The following PTCD1 variants were observed in gnomAD, a reference collection of about 807,000 sequenced individuals.
PTCD1 encodes pentatricopeptide repeat domain 1.
In PTCD1, 50 loss-of-function variants were observed where a neutral mutation model predicts 53.4. The ratio of observed to expected loss-of-function variants is 0.94; its 90% CI spans 0.75 to 1.19. The LOEUF (loss-of-function observed/expected upper bound fraction) is 1.19. Among genes scored for constraint, PTCD1 ranks in the 50% most tolerant of loss-of-function variants. The pLI, the probability that PTCD1 is intolerant of heterozygous loss-of-function variation, is 0.00. For synonymous variants in PTCD1, 413 were observed against 394.8 expected, an observed-to-expected ratio of 1.05 and a Z score of -0.55; for missense variants, 918 against 904.8, an observed-to-expected ratio of 1.01 and a Z score of -0.19.
chr7:99,424,668 T>C, intron 6 of PTCD1, 127 bp downstream of exon 6: 1 of 1,291,076 alleles, frequency 7.7e-7, no homozygotes. Context: ...TTGACCCCAC[T>C]CTCTTTGCCC....
At position 99,435,344 on chromosome 7, in the gene PTCD1, A is replaced by G. The variant is rs149192428; in HGVS notation, c.-26-76T>C. 1,465 of 1,561,938 alleles carry G rather than the reference A, an allele frequency of 9.4e-4. 22 individuals carry two copies. The East Asian group carries it at 0.026, about 28-fold the overall frequency. On this transcript the variant is annotated intron_variant, in intron 1 of 7. Transcript: ENST00000292478. Reference sequence around the variant, plus strand: ...AAGGCAGAAAGAAAGAAGTGGTTACAAGTATGGGCCCAGGCCAGGCGCGGT... The same window carrying G: ...AAGGCAGAAAGAAAGAAGTGGTTACGAGTATGGGCCCAGGCCAGGCGCGGT...
At chr7:99,426,111 C>G (rs1008580170) in intron 5 of PTCD1, among the ~76,000 whole-genome samples, 1 of 150,644 alleles carries the variant, frequency 6.6e-6, no homozygotes, top group Non-Finnish European at 1.5e-5. Flanking sequence ...CTCCCTCTCC[C>G]TCTCCCTCTC....
chr7:99,428,102 A>T (rs1266775742), intron 5 of PTCD1, among the ~76,000 whole-genome samples: 11 of 140,852 alleles, frequency 7.8e-5, no homozygotes, highest in East Asian at 2.1e-4. Context: ...AATGATCAAT[A>T]AAAAAAAAAA....
chr7:99,424,714 C>G, intron 6 of PTCD1, 81 bp downstream of exon 6: 1 of 1,555,444 alleles, frequency 6.4e-7, no homozygotes, highest in Admixed American at 1.9e-5. Context: ...GGGGGGTCTG[C>G]AGACCCCTCA....
intron 1 of PTCD1, among the ~76,000 whole-genome samples, chr7:99,436,696 G>T (rs561717651): frequency 3.4e-4 from 52 of 152,326 alleles, no homozygotes; most frequent in African/African-American, 1.2e-3. Flanking sequence ...AGTGCAGTGG[G>T]TGAGACTGGC....
At chr7:99,438,641 G>A (rs1796596801) in intron 1 of PTCD1, 51 bp downstream of exon 1, 2 of 1,222,284 alleles carry the variant, frequency 1.6e-6, no homozygotes, top group East Asian at 1.7e-4. Context: ...CCCCTCTGGC[G>A]TGTCTTGGCC....
chr7:99,434,965 G>C lies in PTCD1; in HGVS notation c.278C>G (p.Ser93Cys), dbSNP rs1387200235. 1.2e-6 allele frequency: 2 copies of C among 1,614,264 alleles called. No individual in the cohort carries two copies. The highest frequency in any genetic ancestry group is 1.7e-5 in the Admixed American group (1 of 60,024). Residue 93 changes from serine (S) to cysteine (C), a missense_variant, in exon 2 of 8, where the codon TCT (serine) becomes TGT (cysteine). Transcript: ENST00000292478. ...EEEEESFGTL[S>C]DKYSSRRLFR... ...TAGTCTCCGGGAGGAGTATTTGTCA[G>C]AGAGGGTCCCAAAACTCTCCTCCTC... is the stretch of plus-strand genomic sequence containing the variant.
chr7:99,434,051 CAA>C (rs552163766), intron 2 of PTCD1, among the ~76,000 whole-genome samples: 7 of 48,634 alleles, frequency 1.4e-4, no homozygotes, highest in Non-Finnish European at 7.8e-5. Flanking sequence ...GACTCCATCT[CAA>C]AAAAAAAAAA....
rs1795921387 is a variant in PTCD1 at position 99,423,882 on chromosome 7, A to G, written c.1813T>C (p.Tyr605His). Reference protein sequence around the residue: ...NAAIRKLNYTYLISILKDMKQ... With the variant: ...NAAIRKLNYTHLISILKDMKQ... Reference sequence around the variant, plus strand: ...ATGTCCTTCAAGATGCTGATGAGATAGGTGTAGTTCAGCTTCCTGATGGCC... The same window carrying G: ...ATGTCCTTCAAGATGCTGATGAGATGGGTGTAGTTCAGCTTCCTGATGGCC... The change falls in exon 7 of 8, where the codon TAT becomes CAT. Residue 605 changes from tyrosine to histidine, a missense_variant. Coordinates refer to ENST00000292478, the MANE Select transcript of PTCD1 (RefSeq NM_015545.4). 6.2e-7 allele frequency: 1 copy of G among 1,614,044 alleles called. No homozygotes were observed. Among genetic ancestry groups the G allele is most frequent in the Admixed American group, 1.7e-5 (1 of 60,000 alleles).
intron 7 of PTCD1, 45 bp from the exon 8 acceptor site, chr7:99,420,194 G>C: frequency 6.2e-7 from 1 of 1,612,640 alleles, no homozygotes; most frequent in Non-Finnish European, 8.5e-7. Context: ...GTTACCTACA[G>C]CTAATCCCAA....
At chr7:99,427,286 C>G (rs1452642733) in intron 5 of PTCD1, among the ~76,000 whole-genome samples, 1 of 145,668 alleles carries the variant, frequency 6.9e-6, no homozygotes, top group Non-Finnish European at 1.5e-5. Flanking sequence ...CCGGCTAGCA[C>G]CCCGTCCAGG....
chr7:99,433,552 G>A lies in PTCD1; in HGVS notation c.454-134C>T. 7 of 1,550,302 alleles carry A rather than the reference G, an allele frequency of 4.5e-6. No homozygotes were observed. In the Admixed American group the frequency reaches 7.4e-5, roughly 16 times the overall value. ...GCCCTGGGTGACTGCAAACCCCCTG[G>A]GCCCCCAGCTGTTTCTGCCCCATCC... On this transcript the variant is annotated intron_variant, in intron 2 of 7. Coordinates refer to ENST00000292478, the MANE Select transcript of PTCD1 (RefSeq NM_015545.4).
rs192898483 is a variant in PTCD1 at position 99,425,001 on chromosome 7, G to A, written c.1531C>T (p.Leu511=). 4 of 1,614,224 alleles carry A rather than the reference G, an allele frequency of 2.5e-6. No individual in the cohort carries two copies. In the African/African-American group the frequency reaches 5.3e-5, roughly 22 times the overall value. ...SPAESLLLAL[L]DEHQVEADLT... ...TCGGCCTCTACCTGGTGCTCATCCA[G>A]GAGGGCCAGCAGCAAGGACTCTGCA... is the stretch of plus-strand genomic sequence containing the variant. The change falls in exon 6 of 8, where the codon CTG becomes TTG. Residue 511 remains leucine (L), a synonymous_variant. Transcript: ENST00000292478.
intron 5 of PTCD1, 82 bp from the exon 6 acceptor site, chr7:99,425,698 TTGGGAGTTTTAGA>T: frequency 6.6e-7 from 1 of 1,520,184 alleles, no homozygotes. Flanking sequence ...TCCCAGCACC[TTGGGAGTTTTAGA>T]TGGGAGGATC....
At position 99,417,331 on chromosome 7, in the gene PTCD1, G is replaced by A. The variant is rs527610658; in HGVS notation, c.*2636C>T. 18 of 1,254,130 alleles carry A rather than the reference G, an allele frequency of 1.4e-5. No homozygotes were observed. In the East Asian group the frequency reaches 3.3e-4, roughly 23 times the overall value. 77.7% of individuals were successfully genotyped at this position (1,254,130 alleles called of 1,614,324 possible). A position where few individuals can be genotyped will look rare whatever the true frequency, so the allele number is the denominator to read the frequency against. On this transcript the variant is annotated 3_prime_UTR_variant, in exon 8 of 8. Transcript: ENST00000292478. The stretch of plus-strand genomic sequence containing the variant: ...GCCTCCCAAAGTGCTGGGATTACAG[G>A]TGTGAGCCACTGCACCCGGCCTGAA...
In PTCD1 at chr7:99,419,689, G is replaced by A; in HGVS notation, c.*278C>T. 1.4e-6 allele frequency: 1 copy of A among 690,106 alleles called. No individual in the cohort carries two copies. The highest frequency in any genetic ancestry group is 1.9e-5 in the South Asian group (1 of 52,276). 42.7% of individuals were successfully genotyped at this position (690,106 alleles called of 1,614,324 possible). On this transcript the variant is annotated 3_prime_UTR_variant, in exon 8 of 8. Transcript: ENST00000292478. ...GCGGCCCAGGCCCCAGGGACCAGAT[G>A]CCCCAGCCCCCTTGTGGTGTGTGAG...
At position 99,429,709 on chromosome 7, in the gene PTCD1, G is replaced by A; in HGVS notation, c.692C>T (p.Ala231Val). The A allele has an allele frequency of 1.2e-6, 2 of 1,614,218 alleles. No individual in the cohort carries two copies. The highest frequency in any genetic ancestry group is 2.2e-5 in the South Asian group (2 of 91,090). Residue 231 changes from alanine to valine, a missense_variant, in exon 4 of 8, where the codon GCC becomes GTC. By Grantham distance (64) the Ala-to-Val change is moderately conservative. Transcript: ENST00000292478. ...CTGCAGCTGCTGCCGGAGCTTCAGGGCGCTCTGTAGAGCTGAGTCCTTCCA... is the reference window on the plus strand; with the variant it reads ...CTGCAGCTGCTGCCGGAGCTTCAGGACGCTCTGTAGAGCTGAGTCCTTCCA... ...SPWKDSALQS[A>V]LKLRQQLQAK...
chr7:99,432,172 C>A (rs1344316881), intron 3 of PTCD1, among the ~76,000 whole-genome samples: 2 of 152,188 alleles, frequency 1.3e-5, no homozygotes, highest in Admixed American at 1.3e-4. Flanking sequence ...GCCTGTCCCC[C>A]AGCCCGACGC....
chr7:99,420,680 G>C (rs1012075076), intron 7 of PTCD1, among the ~76,000 whole-genome samples: 1 of 152,222 alleles, frequency 6.6e-6, no homozygotes, highest in African/African-American at 2.4e-5. Context: ...GGTTTGGCCG[G>C]GTGCGGTGGC....
Sources: gnomAD v4.1 joint callset for allele counts (sites outside exome capture counted in the v4.1 genomes callset) on GRCh38, gnomAD v4.1.1 for gene constraint, MANE v1.5 for transcripts, NCBI Gene and HGNC (gene_info 2026-07-23, HGNC 2026-07-21) for gene names.